LRBA: variants seen among roughly 807,000 people sequenced by gnomAD.
LRBA encodes lipopolysaccharide-responsive and beige-like anchor protein.
LRBA carries 176 observed loss-of-function variants against 330.0 expected under a neutral mutation model. The observed-to-expected ratio is 0.53, with a 90% confidence interval of 0.47 to 0.60. The LOEUF is 0.60. Ranked by LOEUF, LRBA falls within the 20% of genes least tolerant of loss-of-function variation. The pLI is 0.00. For missense variants in LRBA, 3,259 were observed against 3,444.8 expected, an observed-to-expected ratio of 0.95 and a Z score of 1.35; for synonymous variants, 1,230 against 1,193.0, an observed-to-expected ratio of 1.03 and a Z score of -0.64.
At chr4:150,454,587 A>C (rs1753809598) in intron 44 of LRBA, among the ~76,000 whole-genome samples, 2 of 151,422 alleles carry the variant, frequency 1.3e-5, no homozygotes, top group South Asian at 4.2e-4. Context: ...TTCTTTTTTA[A>C]ATTTTTAAAA....
rs1186079369 is a variant in LRBA at position 150,502,208 on chromosome 4, G to A, written c.6331-11173C>T. On this transcript the variant is annotated intron_variant, in intron 40 of 56. Coordinates refer to ENST00000651943, the MANE Select transcript of LRBA (RefSeq NM_001364905.1). Reference sequence around the variant, plus strand: ...ACAGTACTCAGAGCTCACACAGAATGTAAAAATCTCATGATTCATGGAGCA... The same window carrying A: ...ACAGTACTCAGAGCTCACACAGAATATAAAAATCTCATGATTCATGGAGCA... 3.3e-5 allele frequency among the ~76,000 whole-genome samples: 5 copies of A among 152,184 alleles called. No individual in the cohort carries two copies. The East Asian group carries it at 7.7e-4, about 23-fold the overall frequency.
intron 2 of LRBA, among the ~76,000 whole-genome samples, chr4:150,966,534 G>A (rs921369998): frequency 2.1e-5 from 3 of 143,170 alleles, no homozygotes; most frequent in Admixed American, 7.1e-5. Context: ...CACCATGTTA[G>A]CCAGGATGAT....
chr4:150,996,229 T>C (rs552354735), intron 2 of LRBA, among the ~76,000 whole-genome samples: 7 of 152,316 alleles, frequency 4.6e-5, no homozygotes, highest in Admixed American at 3.9e-4. Context: ...TTAGCATAAA[T>C]GAAACTCCCA....
At chr4:150,906,110 A>C (rs2127155914) in intron 12 of LRBA, 120 bp from the exon 13 acceptor site, 2 of 876,928 alleles carry the variant, frequency 2.3e-6, no homozygotes, top group Middle Eastern at 5.4e-4. Context: ...AGATGCCATG[A>C]AGCTCACTAT....
At chr4:150,559,587 T>C (rs2152266291) in intron 40 of LRBA, among the ~76,000 whole-genome samples, 1 of 118,626 alleles carries the variant, frequency 8.4e-6, no homozygotes, top group Admixed American at 1.3e-4. Flanking sequence ...TATATAAATA[T>C]TTATAATATA....
At chr4:150,290,877 A>G (rs1251678424) in intron 53 of LRBA, among the ~76,000 whole-genome samples, 1 of 152,196 alleles carries the variant, frequency 6.6e-6, no homozygotes, top group Non-Finnish European at 1.5e-5. Flanking sequence ...AGAGACAACT[A>G]TAACAACCTA....
intron 47 of LRBA, among the ~76,000 whole-genome samples, chr4:150,369,231 A>G (rs753698795): frequency 1.3e-5 from 2 of 152,156 alleles, no homozygotes; most frequent in Non-Finnish European, 1.5e-5. Context: ...ATGTCTTTTA[A>G]CTATCTCATT....
At chr4:150,320,379 C>T (rs1326659010) in intron 50 of LRBA, among the ~76,000 whole-genome samples, 1 of 151,924 alleles carries the variant, frequency 6.6e-6, no homozygotes, top group African/African-American at 2.4e-5. Context: ...ACAGAAGGTA[C>T]TTACAGATAT....
chr4:150,680,829 T>G (rs1782991818), intron 37 of LRBA, among the ~76,000 whole-genome samples: 1 of 152,182 alleles, frequency 6.6e-6, no homozygotes, highest in Non-Finnish European at 1.5e-5. Context: ...TTAAAACCAC[T>G]GCCGATCCCA....
intron 48 of LRBA, among the ~76,000 whole-genome samples, chr4:150,338,776 A>G (rs1358035049): frequency 1.3e-5 from 2 of 152,104 alleles, no homozygotes; most frequent in African/African-American, 4.8e-5. Context: ...TTACATACAC[A>G]TCAAAGTGCA....
intron 37 of LRBA, among the ~76,000 whole-genome samples, chr4:150,625,799 T>A (rs1776794822): frequency 6.6e-6 from 1 of 151,582 alleles, no homozygotes; most frequent in Non-Finnish European, 1.5e-5. Flanking sequence ...AACCTCCACC[T>A]CCCGGGTTAG....
chr4:150,671,856 T>C (rs1782093303), intron 37 of LRBA, among the ~76,000 whole-genome samples: 1 of 152,100 alleles, frequency 6.6e-6, no homozygotes. Context: ...AGGTCTGAAA[T>C]GAATGCCTGA....
At chr4:150,721,218 A>G in intron 36 of LRBA, 1 of 456,100 alleles carries the variant, frequency 2.2e-6, no homozygotes, top group Non-Finnish European at 4.2e-6. Context: ...AGAAGTAGAA[A>G]CCCAAGAAGT....
intron 40 of LRBA, among the ~76,000 whole-genome samples, chr4:150,533,846 C>T (rs1031728315): frequency 2.0e-5 from 3 of 152,132 alleles, no homozygotes; most frequent in African/African-American, 7.2e-5. Context: ...ACCTAAGAGT[C>T]ATAGAGATCA....
intron 35 of LRBA, 138 bp downstream of exon 35, chr4:150,761,642 CATA>C (rs1328830674): frequency 1.2e-5 from 6 of 506,372 alleles, no homozygotes; most frequent in Non-Finnish European, 1.8e-5. Context: ...TTAACATATA[CATA>C]ATAATTGATA....
At chr4:150,954,959 G>A (rs1409684354) in intron 2 of LRBA, among the ~76,000 whole-genome samples, 1 of 148,428 alleles carries the variant, frequency 6.7e-6, no homozygotes, top group East Asian at 1.9e-4. Flanking sequence ...CTCCTAAATA[G>A]CCTATATAAA....
chr4:150,803,109 C>CAT (rs1331936239), intron 33 of LRBA, among the ~76,000 whole-genome samples: 3,176 of 143,954 alleles, frequency 0.022, 104 homozygotes, highest in African/African-American at 0.051. Context: ...CACACACACA[C>CAT]ATATATACAC....
chr4:150,454,192 C>A (rs751177206), intron 44 of LRBA, among the ~76,000 whole-genome samples: 1 of 152,082 alleles, frequency 6.6e-6, no homozygotes, highest in African/African-American at 2.4e-5. Context: ...ATCTCCTGAC[C>A]TCATGATCTG....
intron 37 of LRBA, among the ~76,000 whole-genome samples, chr4:150,642,354 C>T (rs1053622353): frequency 4.0e-5 from 6 of 151,758 alleles, no homozygotes; most frequent in Non-Finnish European, 8.9e-5. Context: ...TAAAGATAAG[C>T]TTTTAAAATT....
Sources: gnomAD v4.1 joint callset for allele counts (sites outside exome capture counted in the v4.1 genomes callset) on GRCh38, gnomAD v4.1.1 for gene constraint, MANE v1.5 for transcripts, NCBI Gene and HGNC (gene_info 2026-07-23, HGNC 2026-07-21) for gene names.